Variants in RGS5 observed in about 807,000 individuals in gnomAD.
RGS5 encodes regulator of G-protein signalling 5.
RGS5 carries 20 observed loss-of-function variants against 18.9 expected under a neutral mutation model. The observed-to-expected ratio is 1.06, with a 90% CI of 0.74 to 1.54. RGS5 has a LOEUF of 1.54. Ranked by LOEUF, RGS5 falls within the 40% of genes most tolerant of loss-of-function variation. The pLI is 0.00. For missense variants in RGS5, 201 were observed against 211.8 expected (o/e 0.95, Z 0.32); for synonymous variants, 57 against 76.2 (o/e 0.75, Z 1.31).
intron 4 of RGS5, 29 bp from the exon 5 acceptor site, chr1:163,147,532 T>C: frequency 6.6e-7 from 1 of 1,507,110 alleles, no homozygotes; most frequent in Non-Finnish European, 8.9e-7. Flanking sequence ...GGTCACTACA[T>C]AAGCCTAAGT....
intron 2 of RGS5, among the ~76,000 whole-genome samples, chr1:163,252,619 T>A (rs1034860651): frequency 6.6e-6 from 1 of 152,184 alleles, no homozygotes; most frequent in African/African-American, 2.4e-5. Flanking sequence ...TACTTTCTAC[T>A]AAGGATCAGA....
intron 2 of RGS5, among the ~76,000 whole-genome samples, chr1:163,232,055 A>T (rs1647495745): frequency 6.7e-6 from 1 of 149,818 alleles, no homozygotes. Context: ...TGGGTGATTA[A>T]TTTACTTTTA....
chr1:163,181,609 C>T (rs61810818), intron 1 of RGS5, among the ~76,000 whole-genome samples: 16,866 of 152,118 alleles, frequency 0.11, 1,272 homozygotes, highest in South Asian at 0.18. Flanking sequence ...ATGGATAGCA[C>T]GTTTTCACGG....
chr1:163,251,268 T>C (rs569055817), intron 2 of RGS5, among the ~76,000 whole-genome samples: 3 of 152,296 alleles, frequency 2.0e-5, no homozygotes, highest in East Asian at 1.9e-4. Flanking sequence ...AGTGGAAGTA[T>C]ATAAACAATC....
chr1:163,156,679 T>G (rs1557881575), intron 3 of RGS5, among the ~76,000 whole-genome samples: 1 of 152,182 alleles, frequency 6.6e-6, no homozygotes, highest in Admixed American at 6.6e-5. Flanking sequence ...CAGGGAAGCA[T>G]TTCCTTCCAA....
At chr1:163,243,897 T>C (rs1285458134) in intron 2 of RGS5, among the ~76,000 whole-genome samples, 1 of 152,004 alleles carries the variant, frequency 6.6e-6, no homozygotes, top group Non-Finnish European at 1.5e-5. Context: ...GTTAAGGACA[T>C]GGGCCTTAGA....
chr1:163,251,208 C>T lies in RGS5; in HGVS notation c.-281+55025G>A, dbSNP rs775999424. Among the ~76,000 whole-genome samples the T allele has an allele frequency of 8.0e-4, 121 of 152,062 alleles. 1 individual carries two copies. Among genetic ancestry groups the T allele is most frequent in the Non-Finnish European group, 1.5e-3 (104 of 67,978 alleles). ...TACTGAATGCCTTAGCTAATGTATT[C>T]CTTAAATTAACAATCTTTTTCTCTG... On this transcript the variant is annotated intron_variant, in intron 2 of 5. Transcript: ENST00000618415.
intron 1 of RGS5, among the ~76,000 whole-genome samples, chr1:163,311,935 ATGAAG>A (rs754454217): frequency 9.2e-5 from 14 of 152,358 alleles, no homozygotes; most frequent in Admixed American, 5.2e-4. Flanking sequence ...GCAAATCATA[ATGAAG>A]TGAAGTGCAA....
chr1:163,196,188 T>C (rs578151795), intron 1 of RGS5, among the ~76,000 whole-genome samples: 1 of 152,330 alleles, frequency 6.6e-6, no homozygotes, highest in African/African-American at 2.4e-5. Context: ...CAATGTTATC[T>C]GAGAACTGAT....
intron 2 of RGS5, among the ~76,000 whole-genome samples, chr1:163,298,011 G>T (rs1162461280): frequency 6.6e-6 from 1 of 152,050 alleles, no homozygotes; most frequent in African/African-American, 2.4e-5. Context: ...TTCTCTGAAA[G>T]AAAAGTACAG....
chr1:163,167,887 C>A (rs1658120559), intron 2 of RGS5, among the ~76,000 whole-genome samples: 1 of 152,146 alleles, frequency 6.6e-6, no homozygotes, highest in African/African-American at 2.4e-5. Flanking sequence ...ATCCAGGGCT[C>A]ATAATTAACT....
At chr1:163,245,984 G>A (rs1188162996) in intron 2 of RGS5, among the ~76,000 whole-genome samples, 1 of 152,152 alleles carries the variant, frequency 6.6e-6, no homozygotes, top group African/African-American at 2.4e-5. Flanking sequence ...GGGAGGCCAA[G>A]GCGGGCGGAT....
At chr1:163,147,895 T>A (rs1253933409) in intron 4 of RGS5, among the ~76,000 whole-genome samples, 2 of 149,788 alleles carry the variant, frequency 1.3e-5, no homozygotes, top group Non-Finnish European at 3.0e-5. Flanking sequence ...TGAATCCAGG[T>A]GTCCTGGTGC....
At chr1:163,201,073 C>T (rs927774130) in intron 1 of RGS5, among the ~76,000 whole-genome samples, 2 of 152,134 alleles carry the variant, frequency 1.3e-5, no homozygotes, top group East Asian at 1.9e-4. Context: ...CATAGAATCA[C>T]AAAATGCTTG....
At chr1:163,186,844 T>C (rs764976739) in intron 1 of RGS5, among the ~76,000 whole-genome samples, 10 of 152,126 alleles carry the variant, frequency 6.6e-5, no homozygotes, top group Non-Finnish European at 1.2e-4. Flanking sequence ...GATTCTAAGC[T>C]GGTCATATTA....
intron 1 of RGS5, among the ~76,000 whole-genome samples, chr1:163,187,342 T>C (rs1659134304): frequency 6.6e-6 from 1 of 152,228 alleles, no homozygotes; most frequent in Non-Finnish European, 1.5e-5. Flanking sequence ...TCACATATAG[T>C]ATGTGTGGTG....
intron 1 of RGS5, among the ~76,000 whole-genome samples, chr1:163,215,325 T>C (rs1010702071): frequency 2.0e-5 from 3 of 152,330 alleles, no homozygotes; most frequent in East Asian, 1.9e-4. Flanking sequence ...TAACTAGCTA[T>C]GTGACCTTAG....
chr1:163,259,790 A>C (rs2101704663), intron 2 of RGS5: 1 of 152,630 alleles, frequency 6.6e-6, no homozygotes, highest in Non-Finnish European at 1.5e-5. Context: ...AGTTGGAAAG[A>C]GGAAAGAACA....
upstream of RGS5, among the ~76,000 whole-genome samples, chr1:163,222,088 C>T (rs575812743): frequency 6.6e-5 from 10 of 152,192 alleles, no homozygotes; most frequent in South Asian, 2.1e-4. Flanking sequence ...GAAATAATGA[C>T]GGACTTACTC....
Sources: allele counts gnomAD v4.1 joint callset (sites outside exome capture counted in the v4.1 genomes callset), GRCh38; gene constraint gnomAD v4.1.1; transcripts MANE v1.5; gene names NCBI Gene and HGNC (gene_info 2026-07-23, HGNC 2026-07-21).